Variants in TRPC5 observed in about 807,000 individuals in gnomAD.
The protein encoded by TRPC5 is short transient receptor potential channel 5.
In TRPC5, 9 loss-of-function variants were observed where a neutral mutation model predicts 56.5. The ratio of observed to expected loss-of-function variants is 0.16; its 90% CI spans 0.10 to 0.28. TRPC5 has a LOEUF of 0.28. Among genes scored for constraint, TRPC5 ranks in the 10% least tolerant of loss-of-function variants. TRPC5 has a pLI of 1.00. For synonymous variants in TRPC5, 282 were observed against 278.5 expected (o/e 1.01, Z -0.13); for missense variants, 469 against 748.9 (o/e 0.63, Z 4.36).
At chrX:111,837,563 T>C (rs1922600942) in intron 6 of TRPC5, among the ~76,000 whole-genome samples, 1 of 111,788 alleles carries the variant, frequency 8.9e-6, no homozygotes, top group Non-Finnish European at 1.9e-5. Flanking sequence ...GTTGATTTCC[T>C]GACAGACAAT....
At chrX:112,022,845 A>G (rs916615513) in intron 1 of TRPC5, among the ~76,000 whole-genome samples, 15 of 112,717 alleles carry the variant, frequency 1.3e-4, no homozygotes, top group Non-Finnish European at 2.4e-4. Flanking sequence ...AACATTTTCT[A>G]TCTTTTATTG....
chrX:111,800,241 G>A (rs1295659935), intron 7 of TRPC5, among the ~76,000 whole-genome samples: 1 of 111,181 alleles, frequency 9.0e-6, no homozygotes, highest in African/African-American at 3.3e-5. Context: ...AAGATAATAA[G>A]GATGAAGACC....
chrX:111,852,465 T>C, intron 4 of TRPC5, 28 bp from the exon 5 acceptor site: 1 of 1,194,166 alleles, frequency 8.4e-7, no homozygotes. Flanking sequence ...ACAGTTTATT[T>C]CTACATAGGG....
chrX:111,939,163 G>A (rs934877492), intron 2 of TRPC5, among the ~76,000 whole-genome samples: 4 of 111,817 alleles, frequency 3.6e-5, no homozygotes, highest in African/African-American at 1.3e-4. Context: ...TAATCATATG[G>A]TTTCTGTCTT....
intron 1 of TRPC5, among the ~76,000 whole-genome samples, chrX:112,067,714 T>C (rs1169272555): frequency 8.9e-6 from 1 of 111,833 alleles, no homozygotes; most frequent in African/African-American, 3.3e-5. Context: ...AGCTACTAAA[T>C]GCTTCCACTT....
intron 2 of TRPC5, among the ~76,000 whole-genome samples, chrX:111,938,727 T>C (rs1926680260): frequency 8.9e-6 from 1 of 112,155 alleles, no homozygotes; most frequent in South Asian, 3.7e-4. Flanking sequence ...AGCTTTTTAA[T>C]GTGCTGCTGG....
intron 1 of TRPC5, among the ~76,000 whole-genome samples, chrX:112,049,870 T>C (rs1930169238): frequency 8.9e-6 from 1 of 111,848 alleles, no homozygotes; most frequent in African/African-American, 3.3e-5. Flanking sequence ...AGATGCACAA[T>C]GTACATTAGA....
chrX:112,055,409 G>A (rs917973046), intron 1 of TRPC5, among the ~76,000 whole-genome samples: 3 of 110,833 alleles, frequency 2.7e-5, no homozygotes, highest in African/African-American at 9.8e-5. Flanking sequence ...TTTTTTTGGC[G>A]GTGGGGGGTG....
At chrX:111,954,624 A>G (rs1318676122) in intron 1 of TRPC5, among the ~76,000 whole-genome samples, 1 of 112,012 alleles carries the variant, frequency 8.9e-6, no homozygotes, top group Non-Finnish European at 1.9e-5. Flanking sequence ...CTCATCTGAA[A>G]AATGGTCTTG....
At chrX:111,929,905 T>C (rs1485321012) in intron 2 of TRPC5, among the ~76,000 whole-genome samples, 1 of 111,992 alleles carries the variant, frequency 8.9e-6, no homozygotes. Flanking sequence ...ATAGTTGATA[T>C]ATACACTGCA....
intron 1 of TRPC5, among the ~76,000 whole-genome samples, chrX:112,077,699 A>G (rs1443639573): frequency 8.9e-6 from 1 of 111,859 alleles, no homozygotes; most frequent in Non-Finnish European, 1.9e-5. Context: ...TCTGGGCTGT[A>G]GTAAACATGT....
chrX:111,837,655 A>C (rs1873903680), intron 6 of TRPC5, among the ~76,000 whole-genome samples: 1 of 111,316 alleles, frequency 9.0e-6, no homozygotes, highest in South Asian at 3.8e-4. Flanking sequence ...AATAGATGTT[A>C]CCTTCACCTC....
At chrX:112,056,858 A>T (rs1164393989) in intron 1 of TRPC5, among the ~76,000 whole-genome samples, 1 of 112,413 alleles carries the variant, frequency 8.9e-6, no homozygotes, top group Non-Finnish European at 1.9e-5. Context: ...TTGAGTGGCA[A>T]TTTCAATTGT....
In TRPC5 at chrX:112,048,109, C is replaced by G. The variant is rs138967433; in HGVS notation, c.-22+33770G>C. ...GGAAAAGTTGTAAATGATTTAAATGCTCAGCAATAGGTGTTTGGTTAAAAA... is the reference window on the plus strand; with the variant it reads ...GGAAAAGTTGTAAATGATTTAAATGGTCAGCAATAGGTGTTTGGTTAAAAA... On this transcript the variant is annotated intron_variant, in intron 1 of 10. Transcript: ENST00000262839. Among the ~76,000 whole-genome samples the G allele has an allele frequency of 6.2e-3, 695 of 111,878 alleles. 4 individuals are homozygous for G. The highest frequency in any genetic ancestry group is 0.022 in the African/African-American group (670 of 30,753).
chrX:111,789,662 C>A (rs190913222), intron 7 of TRPC5, among the ~76,000 whole-genome samples: 4 of 112,087 alleles, frequency 3.6e-5, no homozygotes, highest in African/African-American at 1.3e-4. Context: ...GTGCAATCTG[C>A]CCATCTGACA....
At chrX:111,907,618 C>T (rs368065512) in intron 3 of TRPC5, among the ~76,000 whole-genome samples, 23 of 109,325 alleles carry the variant, frequency 2.1e-4, no homozygotes, top group African/African-American at 7.3e-4. Context: ...TAGTGAAACT[C>T]TGTCTCAAAA....
intron 3 of TRPC5, among the ~76,000 whole-genome samples, chrX:111,901,218 G>A (rs1925326139): frequency 9.0e-6 from 1 of 111,622 alleles, no homozygotes; most frequent in Non-Finnish European, 1.9e-5. Context: ...AGATATAAAT[G>A]GCAATGAGGC....
chrX:112,007,452 C>T (rs1373024145), intron 1 of TRPC5, among the ~76,000 whole-genome samples: 1 of 111,232 alleles, frequency 9.0e-6, no homozygotes, highest in Non-Finnish European at 1.9e-5. Flanking sequence ...GGAGCCAGAG[C>T]CAGGACAAGT....
intron 1 of TRPC5, among the ~76,000 whole-genome samples, chrX:111,964,108 C>T (rs1927482016): frequency 9.0e-6 from 1 of 111,538 alleles, no homozygotes; most frequent in Non-Finnish European, 1.9e-5. Flanking sequence ...CCTAGAATAA[C>T]CAATGCAGAG....
Sources: gnomAD v4.1 joint callset for allele counts (sites outside exome capture counted in the v4.1 genomes callset) on GRCh38, gnomAD v4.1.1 for gene constraint, MANE v1.5 for transcripts, NCBI Gene and HGNC (gene_info 2026-07-23, HGNC 2026-07-21) for gene names.